TENM1: variants seen among roughly 807,000 people sequenced by gnomAD.
TENM1 encodes the protein teneurin-1.
In TENM1, 35 loss-of-function variants were observed where a neutral mutation model predicts 174.8. The ratio of observed to expected loss-of-function variants is 0.20; its 90% CI spans 0.15 to 0.27. TENM1 has a LOEUF of 0.27. Ranked by LOEUF, TENM1 falls within the 10% of genes least tolerant of loss-of-function variation. The pLI is 1.00. For missense variants in TENM1, 1,633 were observed against 2,130.1 expected (o/e 0.77, Z 4.59); for synonymous variants, 781 against 798.7 (o/e 0.98, Z 0.37).
intron 1 of TENM1, 134 bp from the exon 5 acceptor site, chrX:124,896,375 T>C: frequency 1.5e-6 from 1 of 658,458 alleles, no homozygotes. Flanking sequence ...AATTCTGGCC[T>C]TTTATTCATG....
chrX:125,103,200 G>A, the TENM1 span, among the ~76,000 whole-genome samples: 1 of 111,740 alleles, frequency 8.9e-6, no homozygotes, highest in African/African-American at 3.3e-5. Context: ...ACCCAATCAT[G>A]AAAATTTCCC....
intron 25 of TENM1, among the ~76,000 whole-genome samples, chrX:124,414,847 C>A (rs1218800104): frequency 9.0e-6 from 1 of 111,712 alleles, no homozygotes; most frequent in Non-Finnish European, 1.9e-5. Context: ...ACACTGCAGT[C>A]TTCCATCCTG....
At chrX:124,471,215 ATTATAATATATAGTACT>A in intron 22 of TENM1, among the ~76,000 whole-genome samples, 1 of 46,367 alleles carries the variant, frequency 2.2e-5, no homozygotes, top group African/African-American at 7.2e-5. Flanking sequence ...AGTACTATAT[ATTATAATATATAGTACT>A]ATATATAATA....
intron 11 of TENM1, among the ~76,000 whole-genome samples, chrX:124,638,320 T>C (rs1198238281): frequency 9.0e-6 from 1 of 111,339 alleles, no homozygotes; most frequent in Non-Finnish European, 1.9e-5. Flanking sequence ...TCTCAGTACA[T>C]TGAATTTAAT....
chrX:125,064,159 T>C, the TENM1 span, among the ~76,000 whole-genome samples: 1 of 54,659 alleles, frequency 1.8e-5, no homozygotes, highest in Non-Finnish European at 3.4e-5. Context: ...GGGGCCGTTG[T>C]GGGGTGGGGG....
chrX:124,708,942 G>A (rs974580787), intron 4 of TENM1, among the ~76,000 whole-genome samples: 4 of 111,139 alleles, frequency 3.6e-5, no homozygotes, highest in Middle Eastern at 4.6e-3. Context: ...TTTATTGAGC[G>A]CCTAGATGGG....
intron 6 of TENM1, among the ~76,000 whole-genome samples, chrX:124,658,893 C>T (rs1422722603): frequency 1.8e-5 from 2 of 111,799 alleles, no homozygotes; most frequent in Admixed American, 1.9e-4. Flanking sequence ...GTTTTTGAAG[C>T]TATATCATTT....
intron 11 of TENM1, among the ~76,000 whole-genome samples, chrX:124,570,079 T>C (rs1414271425): frequency 9.0e-6 from 1 of 111,204 alleles, no homozygotes. Flanking sequence ...CCTAAGACAA[T>C]ATTACTAACA....
At chrX:124,556,440 C>T (rs149816560) in intron 14 of TENM1, among the ~76,000 whole-genome samples, 3,684 of 110,717 alleles carry the variant, frequency 0.033, 158 homozygotes, top group African/African-American at 0.11. Context: ...GGCCAAAGAA[C>T]GATAATATCT....
At chrX:124,495,364 G>GT (rs1305888496) in intron 20 of TENM1, among the ~76,000 whole-genome samples, 1 of 108,863 alleles carries the variant, frequency 9.2e-6, no homozygotes, top group Non-Finnish European at 1.9e-5. Context: ...GGGGTTGTTT[G>GT]TTTTTTTCTT....
At chrX:125,004,769 A>G in the TENM1 span, among the ~76,000 whole-genome samples, 2 of 111,785 alleles carry the variant, frequency 1.8e-5, no homozygotes, top group African/African-American at 6.5e-5. Flanking sequence ...TTTCTCCTCT[A>G]AATAGTTCTG....
chrX:124,963,830 G>T (rs1490116213), upstream of TENM1: 1 of 831,550 alleles, frequency 1.2e-6, no homozygotes, highest in East Asian at 3.1e-5. Flanking sequence ...GGAAGAGAAA[G>T]GGAAAAACAC....
At chrX:125,037,114 T>A in the TENM1 span, among the ~76,000 whole-genome samples, 1 of 111,548 alleles carries the variant, frequency 9.0e-6, no homozygotes, top group Admixed American at 9.6e-5. Context: ...ATTTATTCGT[T>A]CCTTTATTCC....
At chrX:124,995,653 C>T in the TENM1 span, among the ~76,000 whole-genome samples, 1 of 111,074 alleles carries the variant, frequency 9.0e-6, no homozygotes, top group African/African-American at 3.3e-5. Context: ...CAATTCAGTC[C>T]CACTACTACA....
chrX:124,773,437 A>AC (rs1491584430), intron 3 of TENM1, among the ~76,000 whole-genome samples: 3 of 110,214 alleles, frequency 2.7e-5, no homozygotes, highest in African/African-American at 9.9e-5. Flanking sequence ...AAAAAAAAAA[A>AC]CATGTAAAAA....
chrX:124,682,636 C>T (rs2052263674), intron 5 of TENM1, among the ~76,000 whole-genome samples: 1 of 111,197 alleles, frequency 9.0e-6, no homozygotes. Flanking sequence ...GGGTTATCAT[C>T]AATGATAGCA....
At chrX:125,194,705 G>C in the TENM1 span, among the ~76,000 whole-genome samples, 1 of 111,545 alleles carries the variant, frequency 9.0e-6, no homozygotes, top group Non-Finnish European at 1.9e-5. Flanking sequence ...GAAATAAGAC[G>C]TTATCCCTGA....
the TENM1 span, among the ~76,000 whole-genome samples, chrX:125,130,577 T>C: frequency 9.0e-6 from 1 of 111,440 alleles, no homozygotes; most frequent in African/African-American, 3.2e-5. Flanking sequence ...AAAATATGTA[T>C]ACTATAATAT....
chrX:124,528,158 T>C (rs1017911422), intron 16 of TENM1, among the ~76,000 whole-genome samples: 20 of 109,695 alleles, frequency 1.8e-4, no homozygotes, highest in Non-Finnish European at 3.8e-4. Flanking sequence ...AGGGGAGTTA[T>C]TGCTAGAGGG....
Sources: allele counts gnomAD v4.1 joint callset (sites outside exome capture counted in the v4.1 genomes callset), GRCh38; gene constraint gnomAD v4.1.1; transcripts MANE v1.5; gene names NCBI Gene and HGNC (gene_info 2026-07-23, HGNC 2026-07-21).